The following TCIRG1 variants were observed in gnomAD, a reference collection of about 807,000 sequenced individuals.
TCIRG1 encodes the protein V-type proton ATPase 116 kDa subunit a 3.
Under a neutral mutation model 95.5 loss-of-function variants are expected in TCIRG1, and 86 were observed. The observed-to-expected ratio is 0.90, with a 90% CI of 0.76 to 1.08. The LOEUF (loss-of-function observed/expected upper bound fraction) is 1.08. Ranked by LOEUF, TCIRG1 falls within the 50% of genes least tolerant of loss-of-function variation. TCIRG1 has a pLI of 0.00. For missense variants in TCIRG1, 1,069 were observed against 1,140.2 expected, an observed-to-expected ratio of 0.94 and a Z score of 0.90; for synonymous variants, 499 against 501.3, an observed-to-expected ratio of 1.00 and a Z score of 0.06.
rs1171368158 is a variant in TCIRG1 at position 68,043,394 on chromosome 11, C to A, written c.527C>A (p.Pro176His). ...RVNFVAGAVE[P>H]HKAPALERLL... ...AGCTTTGTGGCAGGTGCCGTGGAGC[C>A]CCACAAGGCCCCTGCCCTAGAGCGC... The change falls in exon 6 of 20, where the codon CCC becomes CAC. Residue 176 changes from proline to histidine, a missense_variant. Physicochemically the swap from Pro to His is moderately conservative, Grantham distance 77. Transcript: ENST00000265686. The A allele has an allele frequency of 1.3e-6, 2 of 1,540,352 alleles. No individual in the cohort carries two copies. The highest frequency in any genetic ancestry group is 8.7e-7 in the Non-Finnish European group (1 of 1,146,444).
chr11:68,049,081 G>C lies in TCIRG1; in HGVS notation c.1674G>C (p.Val558=). The change falls in exon 15 of 20, where the codon GTG becomes GTC. Residue 558 remains valine (V), a splice_region_variant and synonymous_variant. Coordinates refer to ENST00000265686, the MANE Select transcript of TCIRG1 (RefSeq NM_006019.4). ...AGCACACCTCCCTCTTGCCCGCCAG[G>C]CACTTTGGCCAGAGGCACCGGCTGC... ...FGVVLGVFNH[V]HFGQRHRLLL... 6.2e-7 allele frequency: 1 copy of C among 1,613,368 alleles called. No individual in the cohort carries two copies. Among genetic ancestry groups the C allele is most frequent in the Non-Finnish European group, 8.5e-7 (1 of 1,180,000 alleles).
chr11:68,042,666 C>G lies in TCIRG1; in HGVS notation c.220C>G (p.Arg74Gly). 6.5e-7 allele frequency: 1 copy of G among 1,547,078 alleles called. No homozygotes were observed. Among genetic ancestry groups the G allele is most frequent in the African/African-American group, 1.4e-5 (1 of 73,044 alleles). The change falls in exon 4 of 20, where the codon CGG becomes GGG. Residue 74 changes from arginine (R) to glycine (G), a missense_variant. By Grantham distance (125) the Arg-to-Gly change is moderately radical (BLOSUM62 -2). Coordinates refer to ENST00000265686, the MANE Select transcript of TCIRG1 (RefSeq NM_006019.4). ...AGCCTTCCTGCAGGAGGAGGTGCGGCGGGCTGGGCTGGTCCTGCCCCCGCC... is the reference window on the plus strand; with the variant it reads ...AGCCTTCCTGCAGGAGGAGGTGCGGGGGGCTGGGCTGGTCCTGCCCCCGCC... The part of the protein sequence containing the change: ...TFTFLQEEVR[R>G]AGLVLPPPKG...
Position 68,043,405 on chromosome 11 carries a change from C to A in TCIRG1, c.538C>A (p.Pro180Thr). The A allele has an allele frequency of 3.9e-6, 6 of 1,541,836 alleles. No homozygotes were observed. Among genetic ancestry groups the A allele is most frequent in the Non-Finnish European group, 5.2e-6 (6 of 1,146,582 alleles). ...AGGTGCCGTGGAGCCCCACAAGGCC[C>A]CTGCCCTAGAGCGCCTGCTCTGGAG... ...VAGAVEPHKAPALERLLWRAC... is the reference protein window; with the variant it reads ...VAGAVEPHKATALERLLWRAC... Residue 180 changes from proline to threonine, a missense_variant, in exon 6 of 20, where the codon CCT (proline) becomes ACT (threonine). By Grantham distance (38) the Pro-to-Thr change is conservative (BLOSUM62 -1). Coordinates refer to ENST00000265686, the MANE Select transcript of TCIRG1 (RefSeq NM_006019.4).
intron 12 of TCIRG1, 35 bp from the exon 13 acceptor site, chr11:68,047,847 C>T (rs962494746): frequency 1.1e-5 from 17 of 1,612,950 alleles, no homozygotes; most frequent in South Asian, 3.3e-5. Context: ...CCGCAGCACC[C>T]GCAGCCCTGA....
intron 10 of TCIRG1, chr11:68,046,960 G>C (rs371129425): frequency 4.4e-6 from 2 of 456,520 alleles, no homozygotes; most frequent in Non-Finnish European, 8.8e-6. Flanking sequence ...GGCTCAGAGA[G>C]GTGAAGTGGC....
At chr11:68,044,449 T>A in intron 9 of TCIRG1, 105 bp downstream of exon 9, 1 of 923,824 alleles carries the variant, frequency 1.1e-6, no homozygotes, top group Non-Finnish European at 1.7e-6. Flanking sequence ...GGGCTTTGCC[T>A]AGGGGCTCCT....
At chr11:68,049,885 G>T in intron 16 of TCIRG1, 77 bp from the exon 17 acceptor site, 1 of 1,558,460 alleles carries the variant, frequency 6.4e-7, no homozygotes, top group Non-Finnish European at 8.7e-7. Flanking sequence ...CTCCTGAGTG[G>T]CCAGGAGCAG....
rs372826788 is a variant in TCIRG1 at position 68,043,496 on chromosome 11, C to T, written c.629C>T (p.Thr210Met). 1.4e-4 allele frequency: 214 copies of T among 1,571,198 alleles called. 2 individuals carry two copies. The highest frequency in any genetic ancestry group is 7.5e-4 in the Admixed American group (40 of 53,630). The change falls in exon 6 of 20, where the codon ACG (threonine) becomes ATG (methionine). Residue 210 changes from threonine to methionine, a missense_variant and splice_region_variant. Physicochemically the swap from Thr to Met is moderately conservative, Grantham distance 81. Coordinates refer to ENST00000265686, the MANE Select transcript of TCIRG1 (RefSeq NM_006019.4). ...GAGCAGCCGCTGGAGCACCCCGTGA[C>T]GGTGAGCAGCTGGCGCTGGGCTGGG... ...ELEQPLEHPV[T>M]GEPATWMTFL...
rs761406373 is a variant in TCIRG1, at chr11:68,042,960, C to T, written c.432C>T (p.His144=). ...QGHEPQLAAA[H]TDGASERTPL... Reference sequence around the variant, plus strand: ...TGGGTTCCTAGCTGGCAGCCGCCCACACAGATGGGGCCTCAGAGAGGACGC... The same window carrying T: ...TGGGTTCCTAGCTGGCAGCCGCCCATACAGATGGGGCCTCAGAGAGGACGC... The change falls in exon 5 of 20, where the codon CAC becomes CAT. Residue 144 remains histidine, a synonymous_variant. Coordinates refer to ENST00000265686, the MANE Select transcript of TCIRG1 (RefSeq NM_006019.4). 19 of 1,554,694 alleles carry T rather than the reference C, an allele frequency of 1.2e-5. No individual in the cohort carries two copies. Among genetic ancestry groups the T allele is most frequent in the Middle Eastern group, 3.4e-4 (2 of 5,830 alleles).
At chr11:68,045,207 C>G in intron 10 of TCIRG1, 105 bp downstream of exon 10, 1 of 1,419,510 alleles carries the variant, frequency 7.0e-7, no homozygotes, top group Non-Finnish European at 9.7e-7. Context: ...CTGGCCTGCC[C>G]TCCTGGGATG....
In TCIRG1 at chr11:68,043,846, A is replaced by C. The variant is rs757776593; in HGVS notation, c.746A>C (p.Gln249Pro). Residue 249 changes from glutamine (Q) to proline (P), a missense_variant, in exon 8 of 20, where the codon CAG (glutamine) becomes CCG (proline). Gln to Pro is a moderately conservative substitution (Grantham distance 76). Transcript: ENST00000265686. Reference protein sequence around the residue: ...FHCHVFPFLQQEEARLGALQQ... With the variant: ...FHCHVFPFLQPEEARLGALQQ... ...TGCCACGTCTTCCCGTTTCTGCAGC[A>C]GGAGGAGGCCCGCCTCGGGGCCCTG... The C allele has an allele frequency of 6.4e-7, 1 of 1,559,890 alleles. No individual in the cohort carries two copies. The highest frequency in any genetic ancestry group is 1.2e-5 in the South Asian group (1 of 84,926).
At chr11:68,052,100 G>A (rs374823704), downstream of TCIRG1, 1 of 152,594 alleles carries the variant, frequency 6.6e-6, no homozygotes, top group Non-Finnish European at 1.5e-5. Flanking sequence ...TCACCTGCGT[G>A]GAGGACTGGG....
At position 68,043,891 on chromosome 11, in the gene TCIRG1, G is replaced by C; in HGVS notation, c.791G>C (p.Ser264Thr). Residue 264 changes from serine (S) to threonine (T), a missense_variant, in exon 8 of 20, where the codon AGC becomes ACC. Ser to Thr is a moderately conservative substitution (Grantham distance 58). Transcript: ENST00000265686. The stretch of plus-strand genomic sequence containing the variant: ...GCCCTGCAGCAGCTGCAACAGCAGA[G>C]CCAGGAGCTGCAGGAGGTGGGTGCC... The part of the protein sequence containing the change: ...LGALQQLQQQ[S>T]QELQEVLGET... 1 of 1,555,048 alleles carries C rather than the reference G, an allele frequency of 6.4e-7. No individual in the cohort carries two copies. Among genetic ancestry groups the C allele is most frequent in the African/African-American group, 1.4e-5 (1 of 73,598 alleles).
downstream of TCIRG1, chr11:68,052,003 G>C (rs1394519272): frequency 3.9e-5 from 6 of 152,660 alleles, no homozygotes; most frequent in Non-Finnish European, 8.8e-5. Flanking sequence ...GGCTAGAGAA[G>C]TCCAGTTTGC....
At chr11:68,046,117 G>A (rs1325794963) in intron 10 of TCIRG1, among the ~76,000 whole-genome samples, 5 of 152,226 alleles carry the variant, frequency 3.3e-5, no homozygotes, top group Admixed American at 3.3e-4. Flanking sequence ...TCGGGGCAGC[G>A]TGTTTGCCAG....
chr11:68,042,093 G>A (rs780351361), intron 3 of TCIRG1, among the ~76,000 whole-genome samples: 7 of 152,204 alleles, frequency 4.6e-5, no homozygotes, highest in Middle Eastern at 3.4e-3. Context: ...CCAGGACTTC[G>A]TCCTGTGGGC....
At chr11:68,039,884 G>A (rs1855078198) in intron 1 of TCIRG1, 1 of 152,126 alleles carries the variant, frequency 6.6e-6, no homozygotes, top group Non-Finnish European at 1.5e-5. Context: ...CCCTGAGCCA[G>A]GGGTGACCCC....
At position 68,044,131 on chromosome 11, in the gene TCIRG1, G is replaced by C; in HGVS notation, c.808-1G>C. On this transcript the variant is annotated splice_acceptor_variant, in intron 8 of 19. Coordinates refer to ENST00000265686, the MANE Select transcript of TCIRG1 (RefSeq NM_006019.4). LOFTEE classifies it high-confidence loss of function. The stretch of plus-strand genomic sequence containing the variant: ...CCCGCTGACTGCCCACTCTGGCGCA[G>C]GTCCTCGGGGAGACAGAGCGGTTCC... The C allele has an allele frequency of 1.3e-6, 2 of 1,548,012 alleles. No individual in the cohort carries two copies. The highest frequency in any genetic ancestry group is 1.2e-5 in the South Asian group (1 of 84,014).
Position 68,039,078 on chromosome 11 carries a change from G to C in TCIRG1, c.-46G>C, listed in dbSNP as rs1430635708. 6.6e-6 allele frequency: 1 copy of C among 152,002 alleles called. No homozygotes were observed. Among genetic ancestry groups the C allele is most frequent in the Non-Finnish European group, 1.5e-5 (1 of 68,034 alleles). 9.4% of individuals were successfully genotyped at this position (152,002 alleles called of 1,614,324 possible). A position where few individuals can be genotyped will look rare whatever the true frequency, so the allele number is the denominator to read the frequency against. On this transcript the variant is annotated 5_prime_UTR_variant, in exon 1 of 20. Coordinates refer to ENST00000265686, the MANE Select transcript of TCIRG1 (RefSeq NM_006019.4). ...GAGTCCCGCCCGGCGTGCGCGGAGCGGGGCAGCCAGCAGCGGAGGCGCGGC... is the reference window on the plus strand; with the variant it reads ...GAGTCCCGCCCGGCGTGCGCGGAGCCGGGCAGCCAGCAGCGGAGGCGCGGC...
Sources: allele counts gnomAD v4.1 joint callset (sites outside exome capture counted in the v4.1 genomes callset), GRCh38; gene constraint gnomAD v4.1.1; transcripts MANE v1.5; gene names NCBI Gene and HGNC (gene_info 2026-07-23, HGNC 2026-07-21).